The following STK3 variants were observed in gnomAD, a reference collection of about 807,000 sequenced individuals.
STK3 encodes serine/threonine-protein kinase 3.
Under a neutral mutation model 58.0 loss-of-function variants are expected in STK3, and 41 were observed. That is an observed-to-expected ratio of 0.71 (90% CI 0.55 to 0.92). The LOEUF (loss-of-function observed/expected upper bound fraction) is 0.92. Ranked by LOEUF, STK3 falls within the 40% of genes least tolerant of loss-of-function variation. STK3 has a pLI of 0.00. For missense variants in STK3, 479 were observed against 602.7 expected (o/e 0.79, Z 2.15); for synonymous variants, 170 against 191.0 (o/e 0.89, Z 0.91).
intron 3 of STK3, among the ~76,000 whole-genome samples, chr8:98,840,654 T>A (rs1056515218): frequency 3.1e-4 from 40 of 128,756 alleles, no homozygotes; most frequent in Non-Finnish European, 5.3e-4. Flanking sequence ...TTATATATAT[T>A]TATATACACA....
At chr8:98,840,865 A>G (rs1000287017) in intron 3 of STK3, among the ~76,000 whole-genome samples, 1 of 152,076 alleles carries the variant, frequency 6.6e-6, no homozygotes, top group Non-Finnish European at 1.5e-5. Context: ...CCAAGGCTTT[A>G]GTCAAGGTGA....
intron 1 of STK3, among the ~76,000 whole-genome samples, chr8:98,786,708 G>T (rs1466925014): frequency 6.6e-6 from 1 of 152,046 alleles, no homozygotes; most frequent in South Asian, 2.1e-4. Flanking sequence ...AAACAACCTG[G>T]AAAATATATT....
intron 1 of STK3, among the ~76,000 whole-genome samples, chr8:98,927,239 T>G (rs528930863): frequency 6.6e-6 from 1 of 152,330 alleles, no homozygotes; most frequent in Non-Finnish European, 1.5e-5. Context: ...TGAGGCTACC[T>G]GTCTTGTTCA....
chr8:98,915,432 C>CTATA (rs56187203), intron 1 of STK3, among the ~76,000 whole-genome samples: 1,970 of 94,366 alleles, frequency 0.021, 79 homozygotes, highest in African/African-American at 0.029. Flanking sequence ...ATAAACTTTC[C>CTATA]TATATATATA....
At chr8:98,370,559 CA>C (rs1387741608), downstream of STK3, among the ~76,000 whole-genome samples, 1 of 152,166 alleles carries the variant, frequency 6.6e-6, no homozygotes, top group African/African-American at 2.4e-5. Context: ...GGCTACTCAG[CA>C]AGTGCACATA....
intron 6 of STK3, among the ~76,000 whole-genome samples, chr8:98,613,292 A>C (rs1176283823): frequency 6.6e-6 from 1 of 152,220 alleles, no homozygotes; most frequent in African/African-American, 2.4e-5. Flanking sequence ...ATAATGGGGA[A>C]ATAGGTCCTG....
intron 1 of STK3, among the ~76,000 whole-genome samples, chr8:98,804,907 C>CT (rs1833806522): frequency 6.6e-6 from 1 of 152,160 alleles, no homozygotes; most frequent in Non-Finnish European, 1.5e-5. Flanking sequence ...GGTGGTTATG[C>CT]TAATGGCGGA....
At chr8:98,757,714 C>CT (rs372180385) in intron 3 of STK3, among the ~76,000 whole-genome samples, 235 of 149,964 alleles carry the variant, frequency 1.6e-3, no homozygotes, top group African/African-American at 4.4e-3. Flanking sequence ...ATTTATTTAT[C>CT]TTTTTTTTTA....
At chr8:98,773,277 T>TAA (rs1831438732) in intron 2 of STK3, among the ~76,000 whole-genome samples, 2 of 152,328 alleles carry the variant, frequency 1.3e-5, no homozygotes, top group East Asian at 3.9e-4. Context: ...CACTAATAGC[T>TAA]TTTCTGTCAT....
chr8:98,880,253 A>G (rs1837746198), downstream of STK3: 1 of 152,222 alleles, frequency 6.6e-6, no homozygotes, highest in Non-Finnish European at 1.5e-5. Flanking sequence ...GGGAGATTCC[A>G]TCTCAAAAAT....
At chr8:98,524,819 C>T (rs912788018) in intron 10 of STK3, among the ~76,000 whole-genome samples, 3 of 152,182 alleles carry the variant, frequency 2.0e-5, no homozygotes, top group African/African-American at 7.2e-5. Context: ...CAGATGACTG[C>T]AGTCACTTAA....
downstream of STK3, among the ~76,000 whole-genome samples, chr8:98,369,445 G>A (rs1165834851): frequency 1.3e-5 from 2 of 152,170 alleles, no homozygotes; most frequent in East Asian, 1.9e-4. Flanking sequence ...TTTTTAATAC[G>A]GGGGTTCAGG....
chr8:98,734,422 T>C (rs1480789834), intron 4 of STK3, among the ~76,000 whole-genome samples: 2 of 152,194 alleles, frequency 1.3e-5, no homozygotes, highest in African/African-American at 4.8e-5. Context: ...CCGTTTCTCC[T>C]ATACTAGGTT....
intron 1 of STK3, among the ~76,000 whole-genome samples, chr8:98,899,163 C>T (rs1838564248): frequency 2.0e-5 from 3 of 152,242 alleles, no homozygotes; most frequent in Non-Finnish European, 4.4e-5. Context: ...ATTACTGTTA[C>T]ACCCAGAAGA....
chr8:98,523,731 G>A (rs906124213), intron 10 of STK3, among the ~76,000 whole-genome samples: 1 of 151,858 alleles, frequency 6.6e-6, no homozygotes, highest in African/African-American at 2.4e-5. Flanking sequence ...CTGTTGAGTT[G>A]TAGGAGTTCA....
chr8:98,652,840 G>T (rs1247616352), intron 6 of STK3, among the ~76,000 whole-genome samples: 1 of 151,258 alleles, frequency 6.6e-6, no homozygotes, highest in Non-Finnish European at 1.5e-5. Context: ...AGCAAGTCCT[G>T]AGTGACCTAC....
chr8:98,419,245 C>T (rs1420972744), intron 3 of STK3, among the ~76,000 whole-genome samples: 1 of 152,204 alleles, frequency 6.6e-6, no homozygotes, highest in East Asian at 1.9e-4. Context: ...CATATAATCC[C>T]ACCTACTTGG....
chr8:98,429,348 G>A, intron 3 of STK3: 2 of 1,614,184 alleles, frequency 1.2e-6, no homozygotes, highest in Non-Finnish European at 1.7e-6. Context: ...ATCCCTTATG[G>A]CAAGCCTGAC....
At chr8:98,467,939 C>T (rs1820611915) in intron 10 of STK3, among the ~76,000 whole-genome samples, 2 of 152,080 alleles carry the variant, frequency 1.3e-5, no homozygotes, top group South Asian at 4.1e-4. Flanking sequence ...ATCTTCATAT[C>T]ATAAAAATGT....
Sources: gnomAD v4.1 joint callset for allele counts (sites outside exome capture counted in the v4.1 genomes callset) on GRCh38, gnomAD v4.1.1 for gene constraint, MANE v1.5 for transcripts, NCBI Gene and HGNC (gene_info 2026-07-23, HGNC 2026-07-21) for gene names.